CTIF: variants seen among roughly 807,000 people sequenced by gnomAD.
The protein encoded by CTIF is cap binding complex dependent translation initiation factor, also known as CBP80/20-dependent translation initiation factor.
A neutral mutation model predicts 66.0 loss-of-function variants in CTIF; 21 were observed. That is an observed-to-expected ratio of 0.32 (90% confidence interval 0.23 to 0.46). The LOEUF is 0.46. Among genes scored for constraint, CTIF ranks in the 20% least tolerant of loss-of-function variants. The pLI is 1.00. For missense variants in CTIF, 739 were observed against 812.7 expected (o/e 0.91, Z 1.10); for synonymous variants, 345 against 326.4 (o/e 1.06, Z -0.62).
chr18:48,803,348 TTAA>T (rs1224258770), intron 9 of CTIF, among the ~76,000 whole-genome samples: 5 of 152,338 alleles, frequency 3.3e-5, no homozygotes, highest in African/African-American at 9.6e-5. Context: ...TAATTTTTTA[TTAA>T]TAATAGTTAA....
At chr18:48,755,936 C>T (rs4939810) in intron 7 of CTIF, 1 of 152,324 alleles carries the variant, frequency 6.6e-6, no homozygotes, top group East Asian at 1.9e-4. Context: ...ACCTTGGGAA[C>T]TGAAGAATGA....
Position 48,862,789 on chromosome 18 carries a change from C to T in CTIF, c.*3230C>T, listed in dbSNP as rs1053443757. ...AGCCAGGCCGCCACCAGAGCAGCCC[C>T]ATGGGGTGCCCCAGACGCGGGCCTC... On this transcript the variant is annotated 3_prime_UTR_variant, in exon 12 of 12. Coordinates refer to ENST00000256413, the MANE Select transcript of CTIF (RefSeq NM_014772.3). 1 of 152,350 alleles carries T rather than the reference C, an allele frequency of 6.6e-6. No individual in the cohort carries two copies. The highest frequency in any genetic ancestry group is 1.5e-5 in the Non-Finnish European group (1 of 68,092). 9.4% of individuals were successfully genotyped at this position (152,350 alleles called of 1,614,324 possible).
intron 9 of CTIF, among the ~76,000 whole-genome samples, chr18:48,769,372 G>A (rs562215649): frequency 5.9e-5 from 9 of 152,334 alleles, no homozygotes; most frequent in East Asian, 1.9e-4. Flanking sequence ...CGCTTTCCCC[G>A]TGGGCAGGCT....
rs139517176 is a variant in CTIF, at chr18:48,844,471, C to T, written c.1528-13117C>T. Among the ~76,000 whole-genome samples, 438 of 152,318 alleles carry T rather than the reference C, an allele frequency of 2.9e-3. 1 individual carries two copies. Among genetic ancestry groups the T allele is most frequent in the Non-Finnish European group, 4.9e-3 (331 of 68,022 alleles). ...CCGGGCCAGCTGTGGGATGAAGCATCCCCCATGTGACATCCACTGTCGCTA... is the reference window on the plus strand; with the variant it reads ...CCGGGCCAGCTGTGGGATGAAGCATTCCCCATGTGACATCCACTGTCGCTA... On this transcript the variant is annotated intron_variant, in intron 10 of 11. Coordinates refer to ENST00000256413, the MANE Select transcript of CTIF (RefSeq NM_014772.3).
intron 6 of CTIF, among the ~76,000 whole-genome samples, chr18:48,688,728 C>T (rs954270228): frequency 2.0e-5 from 3 of 152,156 alleles, no homozygotes; most frequent in Admixed American, 6.5e-5. Context: ...ATAATGAATC[C>T]GAATGATTGG....
Position 48,771,853 on chromosome 18 carries a change from T to A in CTIF, c.1371+10164T>A, listed in dbSNP as rs1055842715. On this transcript the variant is annotated intron_variant, in intron 9 of 11. Transcript: ENST00000256413. The stretch of plus-strand genomic sequence containing the variant: ...GGGAATCTGAGCTATGCTAAGCGGC[T>A]CCAGATCGCAGCATCTCTGCCCTGC... Among the ~76,000 whole-genome samples the A allele has an allele frequency of 2.0e-5, 3 of 152,284 alleles. No homozygotes were observed. The East Asian group carries it at 5.8e-4, about 29-fold the overall frequency.
intron 1 of CTIF, among the ~76,000 whole-genome samples, chr18:48,598,276 C>A (rs1599215677): frequency 6.6e-6 from 1 of 152,246 alleles, no homozygotes; most frequent in Admixed American, 6.5e-5. Context: ...AACGAACAAT[C>A]AAAACCACCT....
At chr18:48,552,543 T>A (rs1269176530) in intron 1 of CTIF, among the ~76,000 whole-genome samples, 8 of 152,204 alleles carry the variant, frequency 5.3e-5, no homozygotes. Flanking sequence ...CACTGCTTCT[T>A]TTCATGATGG....
At chr18:48,556,509 C>T (rs1018285228) in intron 1 of CTIF, among the ~76,000 whole-genome samples, 25 of 152,204 alleles carry the variant, frequency 1.6e-4, no homozygotes, top group African/African-American at 5.3e-4. Context: ...CCTCAAAGTA[C>T]ACACTCTGGA....
At chr18:48,754,419 G>T (rs1385427775) in intron 7 of CTIF, among the ~76,000 whole-genome samples, 3 of 152,196 alleles carry the variant, frequency 2.0e-5, no homozygotes, top group Non-Finnish European at 4.4e-5. Flanking sequence ...TGGCCTGCCT[G>T]CACACAGAGG....
intron 9 of CTIF, among the ~76,000 whole-genome samples, chr18:48,790,343 T>A (rs2067764208): frequency 6.6e-6 from 1 of 152,148 alleles, no homozygotes; most frequent in African/African-American, 2.4e-5. Context: ...TGAGCAAAGG[T>A]CCATGGCAAG....
intron 7 of CTIF, among the ~76,000 whole-genome samples, chr18:48,730,373 GGTGTGAGGGGCTCCTGCT>G (rs1320750875): frequency 2.1e-5 from 3 of 140,248 alleles, no homozygotes; most frequent in South Asian, 2.3e-4. Context: ...GGGCCCCTGC[GGTGTGAGGGGCTCCTGCT>G]GTGTGAGGGG....
chr18:48,573,079 C>T (rs774481627), intron 1 of CTIF, among the ~76,000 whole-genome samples: 4 of 152,108 alleles, frequency 2.6e-5, no homozygotes, highest in Non-Finnish European at 4.4e-5. Flanking sequence ...TGAGCCGTCT[C>T]GGAGGTAGCC....
At chr18:48,788,040 C>A (rs1172510686) in intron 9 of CTIF, among the ~76,000 whole-genome samples, 1 of 152,190 alleles carries the variant, frequency 6.6e-6, no homozygotes, top group African/African-American at 2.4e-5. Context: ...TAAAACACTG[C>A]TCAGGGAGAG....
In CTIF at chr18:48,664,507, C is replaced by G; in HGVS notation, c.387C>G (p.Val129=). The change falls in exon 5 of 12, where the codon GTC becomes GTG. Residue 129 remains valine, a synonymous_variant. Coordinates refer to ENST00000256413, the MANE Select transcript of CTIF (RefSeq NM_014772.3). The part of the protein sequence containing the change: ...KLDFTQFHRK[V]RHTPKQPLPH... ...ACTTCACCCAGTTCCACCGCAAAGT[C>G]CGACACACGCCCAAGCAGCCCCTGC... 6.2e-7 allele frequency: 1 copy of G among 1,613,342 alleles called. No individual in the cohort carries two copies.
At chr18:48,846,940 CA>C (rs1330975088) in intron 10 of CTIF, among the ~76,000 whole-genome samples, 2 of 152,018 alleles carry the variant, frequency 1.3e-5, no homozygotes, top group Non-Finnish European at 2.9e-5. Context: ...GTGGCCAATA[CA>C]GACAAAGAAT....
At chr18:48,821,709 G>A (rs2068486698) in intron 10 of CTIF, among the ~76,000 whole-genome samples, 1 of 152,268 alleles carries the variant, frequency 6.6e-6, no homozygotes, top group Admixed American at 6.5e-5. Context: ...AGTGATTGAA[G>A]AAGATTATTG....
At chr18:48,857,424 C>G (rs2069355095) in intron 10 of CTIF, among the ~76,000 whole-genome samples, 164 bp from the exon 11 acceptor site, 1 of 152,244 alleles carries the variant, frequency 6.6e-6, no homozygotes, top group Non-Finnish European at 1.5e-5. Context: ...TGACTTTCTG[C>G]TCTCTGACTT....
At chr18:48,709,898 G>A (rs1274562475) in intron 6 of CTIF, among the ~76,000 whole-genome samples, 1 of 152,246 alleles carries the variant, frequency 6.6e-6, no homozygotes, top group East Asian at 1.9e-4. Context: ...AGAGACGGGG[G>A]TGAGAGGAAA....
Sources: gnomAD v4.1 joint callset for allele counts (sites outside exome capture counted in the v4.1 genomes callset) on GRCh38, gnomAD v4.1.1 for gene constraint, MANE v1.5 for transcripts, NCBI Gene and HGNC (gene_info 2026-07-23, HGNC 2026-07-21) for gene names.